The following PLXNA4 variants were observed in gnomAD, a reference collection of about 807,000 sequenced individuals.
The protein encoded by PLXNA4 is plexin A4, also known as plexin-A4.
Under a neutral mutation model 191.8 loss-of-function variants are expected in PLXNA4, and 44 were observed. The ratio of observed to expected loss-of-function variants is 0.23; its 90% CI spans 0.18 to 0.29. PLXNA4 has a LOEUF of 0.29. Ranked by LOEUF, PLXNA4 falls within the 10% of genes least tolerant of loss-of-function variation. The probability of loss-of-function intolerance (pLI) is 1.00; values close to 1 mark genes in which losing one functional copy is unlikely to be tolerated. For missense variants in PLXNA4, 1,800 were observed against 2,488.8 expected, an observed-to-expected ratio of 0.72 and a Z score of 5.89; for synonymous variants, 1,082 against 1,009.5, an observed-to-expected ratio of 1.07 and a Z score of -1.36.
At chr7:132,566,263 C>T (rs1401282460) in intron 1 of PLXNA4, among the ~76,000 whole-genome samples, 2 of 152,038 alleles carry the variant, frequency 1.3e-5, no homozygotes, top group African/African-American at 2.4e-5. Flanking sequence ...CCCCCTTTTA[C>T]CCCAACCCAC....
chr7:132,564,050 C>A (rs1373007103), intron 1 of PLXNA4, among the ~76,000 whole-genome samples: 1 of 388 alleles, frequency 2.6e-3, no homozygotes, highest in African/African-American at 0.011. Flanking sequence ...CTTTTCCTCC[C>A]CCTCTTTCTC....
At chr7:132,292,509 CA>C (rs1482957007) in intron 4 of PLXNA4, among the ~76,000 whole-genome samples, 2 of 152,216 alleles carry the variant, frequency 1.3e-5, no homozygotes, top group African/African-American at 4.8e-5. Flanking sequence ...TTTAAGTCTT[CA>C]GGCGTCATCT....
chr7:132,395,233 G>A (rs1025150155), intron 3 of PLXNA4, among the ~76,000 whole-genome samples: 2 of 152,226 alleles, frequency 1.3e-5, no homozygotes, highest in Admixed American at 1.3e-4. Flanking sequence ...GAAATCACTG[G>A]TTTGAGGCTG....
At chr7:132,485,132 G>A (rs1797502203) in intron 3 of PLXNA4, 1 of 1,405,134 alleles carries the variant, frequency 7.1e-7, no homozygotes, top group Admixed American at 2.3e-5. Context: ...TACTCCTATT[G>A]CCTCTTCATG....
chr7:132,268,014 A>T (rs1203348104), intron 4 of PLXNA4, among the ~76,000 whole-genome samples: 1 of 152,230 alleles, frequency 6.6e-6, no homozygotes, highest in African/African-American at 2.4e-5. Context: ...GGTTAATTGA[A>T]TATCACTGCT....
rs550950912 is a variant in PLXNA4 at position 132,132,581 on chromosome 7, CATTCT to C, written c.5589+463_5589+467del. 2.5e-3 allele frequency among the ~76,000 whole-genome samples: 361 copies of C among 144,684 alleles called. 4 individuals carry two copies. Among genetic ancestry groups the C allele is most frequent in the African/African-American group, 8.6e-3 (344 of 39,956 alleles). 94.9% of individuals were successfully genotyped at this position (144,684 alleles called of 152,430 possible). On this transcript the variant is annotated intron_variant, in intron 31 of 31. Transcript: ENST00000321063. ...TATTCTACTCCGTTCCATTCCATTC[CATTCT>C]ATTCTATTCCATTCTGTTTTGACTC...
At chr7:132,468,374 A>G (rs1267060188) in intron 3 of PLXNA4, among the ~76,000 whole-genome samples, 1 of 152,198 alleles carries the variant, frequency 6.6e-6, no homozygotes, top group African/African-American at 2.4e-5. Flanking sequence ...CATATGCCGT[A>G]TGTATTCTAT....
Position 132,215,306 on chromosome 7 carries a change from G to A in PLXNA4, c.2098-4163C>T, listed in dbSNP as rs753245049. 1.0e-3 allele frequency among the ~76,000 whole-genome samples: 155 copies of A among 152,356 alleles called. 1 individual carries two copies. Among genetic ancestry groups the A allele is most frequent in the Non-Finnish European group, 1.7e-3 (118 of 68,038 alleles). On this transcript the variant is annotated intron_variant, in intron 9 of 31. Transcript: ENST00000321063. ...CCATGTGCTATGAGACAGGAGATCT[G>A]CCAGCCATTTGGCCTTGGGCAAGCC...
intron 3 of PLXNA4, among the ~76,000 whole-genome samples, chr7:132,451,755 C>T (rs10234979): frequency 0.084 from 12,843 of 152,260 alleles, 1,644 homozygotes; most frequent in African/African-American, 0.27. Flanking sequence ...CAGTGCCGGC[C>T]CCTGGAAGAG....
chr7:132,146,115 G>A (rs1795425438), intron 28 of PLXNA4, among the ~76,000 whole-genome samples: 1 of 150,108 alleles, frequency 6.7e-6, no homozygotes, highest in South Asian at 2.1e-4. Flanking sequence ...AAAAGATATG[G>A]TGCCTGGGAA....
At chr7:132,484,596 G>T (rs1208311767) in intron 3 of PLXNA4, among the ~76,000 whole-genome samples, 1 of 152,184 alleles carries the variant, frequency 6.6e-6, no homozygotes, top group Non-Finnish European at 1.5e-5. Context: ...ATGAACCCAT[G>T]GCAGCTTGGG....
At chr7:132,152,350 G>T (rs1047666702) in intron 25 of PLXNA4, among the ~76,000 whole-genome samples, 124 of 152,298 alleles carry the variant, frequency 8.1e-4, no homozygotes, top group Non-Finnish European at 1.5e-4. Context: ...CCTTAGATAT[G>T]AAGGCCAGCA....
At position 132,394,188 on chromosome 7, in the gene PLXNA4, G is replaced by A. The variant is rs527244879; in HGVS notation, c.1371+95104C>T. On this transcript the variant is annotated intron_variant, in intron 3 of 31. Transcript: ENST00000321063. ...TGCTCTTGCATACAGCCCCTGGGCC[G>A]GGATGGAGCCGAGTTTCCTCTGAAG... Among the ~76,000 whole-genome samples, 8 of 152,232 alleles carry A rather than the reference G, an allele frequency of 5.3e-5. No homozygotes were observed. In the South Asian group the frequency reaches 8.3e-4, roughly 16 times the overall value.
In PLXNA4 at chr7:132,181,195, G is replaced by A. The variant is rs933812456; in HGVS notation, c.3492+186C>T. ...GATCTGCCTTCCCTGGGTAGAACCG[G>A]CCCCTAAAGAGAGTTTTCTTCCCAG... On this transcript the variant is annotated intron_variant, in intron 18 of 31. Coordinates refer to ENST00000321063, the MANE Select transcript of PLXNA4 (RefSeq NM_020911.2). Among the ~76,000 whole-genome samples the A allele has an allele frequency of 2.0e-5, 3 of 152,164 alleles. No individual in the cohort carries two copies. The South Asian group carries it at 6.2e-4, about 32-fold the overall frequency.
chr7:132,397,428 T>C (rs1301397140), intron 3 of PLXNA4, among the ~76,000 whole-genome samples: 1 of 152,100 alleles, frequency 6.6e-6, no homozygotes, highest in Non-Finnish European at 1.5e-5. Context: ...CAAGGGCAAG[T>C]GGAGAGCAGG....
chr7:132,630,280 T>C (rs948477848), intron 2 of PLXNA4, among the ~76,000 whole-genome samples: 2 of 152,168 alleles, frequency 1.3e-5, no homozygotes, highest in African/African-American at 4.8e-5. Flanking sequence ...GGCTTCAACA[T>C]ATGAGTTTGG....
At chr7:132,643,978 G>T (rs556998393) in intron 2 of PLXNA4, among the ~76,000 whole-genome samples, 3 of 152,060 alleles carry the variant, frequency 2.0e-5, no homozygotes, top group African/African-American at 4.8e-5. Flanking sequence ...ATTTTCAAAA[G>T]TCAGAATATA....
rs147284267 is a variant in PLXNA4 at position 132,154,806 on chromosome 7, G to T, written c.4660+4667C>A. On this transcript the variant is annotated intron_variant, in intron 25 of 31. Transcript: ENST00000321063. ...AAAATTGCTAGCTCTGACCTCTCTC[G>T]CAGCAGCTCTGCCCGGCAGCCGGAT... Among the ~76,000 whole-genome samples, 33 of 152,294 alleles carry T rather than the reference G, an allele frequency of 2.2e-4. No individual in the cohort carries two copies. The East Asian group carries it at 3.7e-3, about 17-fold the overall frequency.
At chr7:132,350,315 C>A (rs1803428796) in intron 3 of PLXNA4, among the ~76,000 whole-genome samples, 1 of 151,992 alleles carries the variant, frequency 6.6e-6, no homozygotes, top group Non-Finnish European at 1.5e-5. Context: ...ACCAGCCTGG[C>A]CAACATGGTG....
Sources: allele counts gnomAD v4.1 joint callset (sites outside exome capture counted in the v4.1 genomes callset), GRCh38; gene constraint gnomAD v4.1.1; transcripts MANE v1.5; gene names NCBI Gene and HGNC (gene_info 2026-07-23, HGNC 2026-07-21).